DACH1: variants seen among roughly 807,000 people sequenced by gnomAD.
DACH1 encodes the protein dachshund homolog 1.
In DACH1, 12 loss-of-function variants were observed where a neutral mutation model predicts 54.2. That is an observed-to-expected ratio of 0.22 (90% CI 0.14 to 0.36). The LOEUF (loss-of-function observed/expected upper bound fraction) is 0.36, where lower values mean the gene tolerates loss of function less well. DACH1 is among the 10% of genes least tolerant of loss of function. DACH1 has a pLI of 1.00. For missense variants in DACH1, 805 were observed against 929.8 expected, an observed-to-expected ratio of 0.87 and a Z score of 1.75; for synonymous variants, 386 against 366.2, an observed-to-expected ratio of 1.05 and a Z score of -0.62.
At chr13:71,492,232 A>T (rs1253811179) in intron 6 of DACH1, among the ~76,000 whole-genome samples, 1 of 152,148 alleles carries the variant, frequency 6.6e-6, no homozygotes, top group Non-Finnish European at 1.5e-5. Context: ...ATACTTCCTG[A>T]CATGTAACGA....
intron 1 of DACH1, among the ~76,000 whole-genome samples, chr13:71,849,827 C>T (rs9572807): frequency 0.094 from 14,355 of 152,230 alleles, 1,404 homozygotes; most frequent in East Asian, 0.57. Flanking sequence ...AACTCATTCA[C>T]TTAGTTTCTA....
chr13:71,470,623 G>A (rs566891607), intron 10 of DACH1, among the ~76,000 whole-genome samples: 55 of 152,068 alleles, frequency 3.6e-4, no homozygotes, highest in African/African-American at 9.6e-4. Flanking sequence ...CACCGCACCC[G>A]GTCTAATTCT....
At position 71,608,137 on chromosome 13, in the gene DACH1, C is replaced by G. The variant is rs549393150; in HGVS notation, c.1126+22419G>C. 1.2e-4 allele frequency among the ~76,000 whole-genome samples: 18 copies of G among 151,780 alleles called. No individual in the cohort carries two copies. In the South Asian group the frequency reaches 3.3e-3, roughly 28 times the overall value. ...CTTAAGAGAGATAATGCTGAATTTG[C>G]AAGTGAATCTCTTGCAAAACATTTT... On this transcript the variant is annotated intron_variant, in intron 3 of 10. Coordinates refer to ENST00000613252, the MANE Select transcript of DACH1 (RefSeq NM_080759.6).
intron 6 of DACH1, among the ~76,000 whole-genome samples, chr13:71,551,216 T>C (rs1038301745): frequency 9.9e-5 from 15 of 152,114 alleles, no homozygotes; most frequent in African/African-American, 3.6e-4. Flanking sequence ...TGGGAGTACA[T>C]GCGATAGTTT....
rs1876495264 is a variant in DACH1 at position 71,624,480 on chromosome 13, G to A, written c.1126+6076C>T. 1.3e-5 allele frequency among the ~76,000 whole-genome samples: 2 copies of A among 151,834 alleles called. 1 individual carries two copies. The highest frequency in any genetic ancestry group is 4.1e-4 in the South Asian group (2 of 4,828). On this transcript the variant is annotated intron_variant, in intron 3 of 10. Transcript: ENST00000613252. ...GTGTCAGAATCTTTCTGGACTTTTA[G>A]GGTAGTCTTGTATATGCTCCACGTT...
intron 8 of DACH1, 76 bp from the exon 9 acceptor site, chr13:71,475,925 A>AT: frequency 9.1e-7 from 1 of 1,097,308 alleles, no homozygotes; most frequent in Non-Finnish European, 1.2e-6. Context: ...AATGGTCTAT[A>AT]TTTTTTATAT....
chr13:71,754,839 AC>A lies in DACH1; in HGVS notation c.849-72930del, dbSNP rs199715531. Reference sequence around the variant, plus strand: ...GCATTGCAGGAGAGTCTAATAAAAAACAAAGAGGTAGAATAATAAGGCAAGT... The same window carrying A: ...GCATTGCAGGAGAGTCTAATAAAAAAAAAGAGGTAGAATAATAAGGCAAGT... On this transcript the variant is annotated intron_variant, in intron 1 of 10. Transcript: ENST00000613252. Among the ~76,000 whole-genome samples, 28 of 151,996 alleles carry A rather than the reference AC, an allele frequency of 1.8e-4. No homozygotes were observed. The East Asian group carries it at 5.2e-3, about 28-fold the overall frequency.
At chr13:71,579,371 T>G (rs1277840558) in intron 3 of DACH1, among the ~76,000 whole-genome samples, 4 of 152,148 alleles carry the variant, frequency 2.6e-5, no homozygotes, top group Admixed American at 2.6e-4. Flanking sequence ...AAACTAGAAC[T>G]GCTTATTTTT....
chr13:71,791,815 G>T (rs1270767867), intron 1 of DACH1, among the ~76,000 whole-genome samples: 2 of 152,178 alleles, frequency 1.3e-5, no homozygotes, highest in African/African-American at 4.8e-5. Context: ...ACTACAACTT[G>T]TTTAAGTATA....
chr13:71,633,676 T>C (rs1385288780), intron 2 of DACH1, among the ~76,000 whole-genome samples: 1 of 152,118 alleles, frequency 6.6e-6, no homozygotes, highest in Non-Finnish European at 1.5e-5. Context: ...TATTCTACTT[T>C]TAGCCCAGTT....
chr13:71,866,247 T>A lies in DACH1; in HGVS notation c.523A>T (p.Thr175Ser). The change falls in exon 1 of 11, where the codon ACC (threonine) becomes TCC (serine). Residue 175 changes from threonine to serine, a missense_variant. Coordinates refer to ENST00000613252, the MANE Select transcript of DACH1 (RefSeq NM_080759.6). ...GPLPGKPVYSTPSPVENTPQN... is the reference protein window; with the variant it reads ...GPLPGKPVYSSPSPVENTPQN... ...GGGGTGTTTTCCACTGGGGACGGGG[T>A]TGAGTACACGGGTTTCCCGGGGAGG... The A allele has an allele frequency of 2.5e-6, 4 of 1,610,160 alleles. No individual in the cohort carries two copies. Among genetic ancestry groups the A allele is most frequent in the Non-Finnish European group, 3.4e-6 (4 of 1,178,232 alleles).
At chr13:71,554,121 C>T (rs1884083161) in intron 6 of DACH1, among the ~76,000 whole-genome samples, 1 of 151,800 alleles carries the variant, frequency 6.6e-6, no homozygotes, top group Non-Finnish European at 1.5e-5. Flanking sequence ...TATTATGAGG[C>T]CCATGAAAAT....
chr13:71,783,051 A>G (rs1014569850), intron 1 of DACH1, among the ~76,000 whole-genome samples: 5 of 152,230 alleles, frequency 3.3e-5, no homozygotes, highest in African/African-American at 1.2e-4. Context: ...ACAGTGAAAG[A>G]TAACAACAAA....
chr13:71,566,096 A>G (rs1288834520), intron 4 of DACH1, among the ~76,000 whole-genome samples: 1 of 152,172 alleles, frequency 6.6e-6, no homozygotes, highest in African/African-American at 2.4e-5. Flanking sequence ...AACTGGCATC[A>G]ATCTCTCCTG....
intron 1 of DACH1, among the ~76,000 whole-genome samples, chr13:71,779,422 A>G (rs1184452107): frequency 6.6e-6 from 1 of 150,876 alleles, no homozygotes; most frequent in Non-Finnish European, 1.5e-5. Context: ...AAGAACAGCT[A>G]TACCCTTTTA....
At chr13:71,528,939 T>A (rs1020967861) in intron 6 of DACH1, among the ~76,000 whole-genome samples, 5 of 152,132 alleles carry the variant, frequency 3.3e-5, no homozygotes, top group South Asian at 2.1e-4. Context: ...TAGAGAATAT[T>A]TAAAACAGAA....
chr13:71,511,410 G>A (rs917396815), intron 6 of DACH1, among the ~76,000 whole-genome samples: 12 of 151,766 alleles, frequency 7.9e-5, no homozygotes, highest in African/African-American at 2.7e-4. Context: ...AAACAAACGA[G>A]GAAATTAGAA....
intron 1 of DACH1, among the ~76,000 whole-genome samples, chr13:71,755,311 G>A (rs1885098988): frequency 6.6e-6 from 1 of 152,116 alleles, no homozygotes; most frequent in Non-Finnish European, 1.5e-5. Context: ...TGTTATACAG[G>A]TAGCTATTTA....
At chr13:71,560,132 A>G (rs966407893) in intron 4 of DACH1, among the ~76,000 whole-genome samples, 177 bp from the exon 5 acceptor site, 1 of 152,224 alleles carries the variant, frequency 6.6e-6, no homozygotes, top group Non-Finnish European at 1.5e-5. Flanking sequence ...CAAATAAAGT[A>G]GAAAAAGATG....
Sources: gnomAD v4.1 joint callset for allele counts (sites outside exome capture counted in the v4.1 genomes callset) on GRCh38, gnomAD v4.1.1 for gene constraint, MANE v1.5 for transcripts, NCBI Gene and HGNC (gene_info 2026-07-23, HGNC 2026-07-21) for gene names.